PRKN: variants seen among roughly 807,000 people sequenced by gnomAD.
PRKN encodes E3 ubiquitin-protein ligase parkin.
Under a neutral mutation model 59.5 loss-of-function variants are expected in PRKN, and 56 were observed. That is an observed-to-expected ratio of 0.94 (90% CI 0.76 to 1.18). The LOEUF is 1.18. PRKN is among the 50% of genes most tolerant of loss of function. The probability of loss-of-function intolerance (pLI) is 0.00; values close to 1 mark genes in which losing one functional copy is unlikely to be tolerated. For synonymous variants in PRKN, 250 were observed against 222.1 expected (o/e 1.13, Z -1.12); for missense variants, 657 against 596.4 (o/e 1.10, Z -1.06).
Position 162,014,066 on chromosome 6 carries a change from G to A in PRKN, c.618+40025C>T, listed in dbSNP as rs1424089369. Among the ~76,000 whole-genome samples the A allele has an allele frequency of 3.3e-5, 5 of 152,068 alleles. 1 individual carries two copies. The highest frequency in any genetic ancestry group is 7.4e-5 in the Non-Finnish European group (5 of 68,018). ...CACTGTCCTAACCTGGGCCCTGGCT[G>A]GGCACTGCTACCCCCTCGTACCTCC... On this transcript the variant is annotated intron_variant, in intron 5 of 11. Coordinates refer to ENST00000366898, the MANE Select transcript of PRKN (RefSeq NM_004562.3).
chr6:161,385,708 C>T lies in PRKN; in HGVS notation c.1167+1086G>A, dbSNP rs17641124. On this transcript the variant is annotated intron_variant, in intron 10 of 11. Coordinates refer to ENST00000366898, the MANE Select transcript of PRKN (RefSeq NM_004562.3). The surrounding 1 kb of genome is among the most constrained non-coding windows in gnomAD (Gnocchi z 4.9). ...TCAGGTATACCCGCCTCCATTACAG[C>T]GGTCCTGAGGCAGGGGTCTCTGGGC... Among the ~76,000 whole-genome samples, 21,284 of 152,178 alleles carry T rather than the reference C, an allele frequency of 0.14. 1,874 individuals carry two copies. Among genetic ancestry groups the T allele is most frequent in the Admixed American group, 0.24 (3,614 of 15,272 alleles).
intron 9 of PRKN, among the ~76,000 whole-genome samples, chr6:161,489,244 C>A (rs1422328107): frequency 2.1e-5 from 3 of 139,996 alleles, no homozygotes; most frequent in East Asian, 4.3e-4. Context: ...AAAAAAAAAA[C>A]ATGGGCAATA....
At chr6:161,602,097 G>A (rs1259160308) in intron 7 of PRKN, among the ~76,000 whole-genome samples, 1 of 108,936 alleles carries the variant, frequency 9.2e-6, no homozygotes, top group Non-Finnish European at 1.8e-5. Flanking sequence ...AGTATATTTA[G>A]GGGAGATTAT....
chr6:162,568,807 G>C (rs1411507037), intron 1 of PRKN: 1 of 732,588 alleles, frequency 1.4e-6, no homozygotes, highest in Non-Finnish European at 2.5e-6. Context: ...GCAGAGCTTG[G>C]CAACATGCAG....
intron 7 of PRKN, among the ~76,000 whole-genome samples, chr6:161,782,328 T>G (rs1408815094): frequency 6.6e-6 from 1 of 152,186 alleles, no homozygotes; most frequent in Non-Finnish European, 1.5e-5. Context: ...GTGTATAATC[T>G]ACTTTCTACT....
At chr6:161,698,421 A>C (rs1050053764) in intron 7 of PRKN, among the ~76,000 whole-genome samples, 6 of 152,170 alleles carry the variant, frequency 3.9e-5, no homozygotes, top group African/African-American at 1.4e-4. Context: ...TTGTCTAAGA[A>C]ACCACAGTAG....
chr6:161,865,915 G>T (rs1470822663), intron 6 of PRKN, among the ~76,000 whole-genome samples: 1 of 152,108 alleles, frequency 6.6e-6, no homozygotes, highest in Admixed American at 6.5e-5. Flanking sequence ...CTAGTTTTTG[G>T]CCTATCTCAG....
intron 5 of PRKN, among the ~76,000 whole-genome samples, chr6:162,022,566 A>T: frequency 6.6e-6 from 1 of 152,006 alleles, no homozygotes; most frequent in East Asian, 1.9e-4. Flanking sequence ...TAGATTCTAG[A>T]TATTAGTCTT....
intron 1 of PRKN, among the ~76,000 whole-genome samples, chr6:162,593,021 G>A (rs899935209): frequency 2.0e-5 from 3 of 152,028 alleles, no homozygotes; most frequent in Non-Finnish European, 4.4e-5. Context: ...GACACTACGC[G>A]AAATGATGAC....
At chr6:162,136,880 A>G (rs890579545) in intron 4 of PRKN, among the ~76,000 whole-genome samples, 2 of 152,200 alleles carry the variant, frequency 1.3e-5, no homozygotes, top group Admixed American at 1.3e-4. Context: ...AACAACACAG[A>G]TAACTCCAAA....
At chr6:162,287,056 C>A (rs1405924669) in intron 2 of PRKN, among the ~76,000 whole-genome samples, 1 of 152,066 alleles carries the variant, frequency 6.6e-6, no homozygotes, top group Non-Finnish European at 1.5e-5. Context: ...TAAGATGAAC[C>A]CTCCAATTCT....
At chr6:161,768,157 G>A (rs1481292592) in intron 7 of PRKN, among the ~76,000 whole-genome samples, 1 of 151,976 alleles carries the variant, frequency 6.6e-6, no homozygotes, top group Admixed American at 6.6e-5. Context: ...TAAACACGAA[G>A]GGGGCTCCCA....
At chr6:161,564,130 G>A (rs370777106) in intron 8 of PRKN, among the ~76,000 whole-genome samples, 1 of 152,144 alleles carries the variant, frequency 6.6e-6, no homozygotes, top group East Asian at 1.9e-4. Context: ...GAGATCCCAA[G>A]AGTTTCACCA....
At chr6:162,289,518 G>A (rs1044400641) in intron 2 of PRKN, among the ~76,000 whole-genome samples, 1 of 151,832 alleles carries the variant, frequency 6.6e-6, no homozygotes. Flanking sequence ...CCAACATGAT[G>A]AAAACCCGTC....
intron 6 of PRKN, among the ~76,000 whole-genome samples, chr6:161,800,606 T>C (rs552937385): frequency 6.6e-6 from 1 of 152,304 alleles, no homozygotes; most frequent in Admixed American, 6.5e-5. Context: ...ATGGGATGCA[T>C]GGGCTCTGCT....
chr6:162,091,531 G>A (rs1954930), intron 4 of PRKN, among the ~76,000 whole-genome samples: 1 of 152,010 alleles, frequency 6.6e-6, no homozygotes, highest in Non-Finnish European at 1.5e-5. Context: ...TACTAGAAAT[G>A]CTTTGCAATT....
At chr6:162,310,758 T>TA (rs1335251764) in intron 2 of PRKN, among the ~76,000 whole-genome samples, 4 of 59,542 alleles carry the variant, frequency 6.7e-5, no homozygotes, top group African/African-American at 6.2e-4. Context: ...AATATATATA[T>TA]ATAAAAAAAA....
At position 161,973,295 on chromosome 6, in the gene PRKN, T is replaced by G. The variant is rs1780894566; in HGVS notation, c.734+7A>C. ...GGAGGGAAGTGACACTATTTTTAGA[T>G]CCTTACCTGACGTCTGTGCACGTAA... On this transcript the variant is annotated splice_region_variant and intron_variant, in intron 6 of 11. Transcript: ENST00000366898. 1 of 1,584,740 alleles carries G rather than the reference T, an allele frequency of 6.3e-7. No homozygotes were observed.
rs1778716324 is a variant in PRKN, at chr6:161,518,929, A to G, written c.1083+29925T>C. 6.6e-6 allele frequency among the ~76,000 whole-genome samples: 1 copy of G among 152,208 alleles called. No homozygotes were observed. The highest frequency in any genetic ancestry group is 2.4e-5 in the African/African-American group (1 of 41,452). ...AGCACAAGAGAATCTCCCTCTGTCC[A>G]CAGAAATGCCTGAGCATGGAACTCT... On this transcript the variant is annotated intron_variant, in intron 9 of 11. Coordinates refer to ENST00000366898, the MANE Select transcript of PRKN (RefSeq NM_004562.3). The surrounding 1 kb of genome is among the most constrained non-coding windows in gnomAD (Gnocchi z 5.0).
Sources: allele counts gnomAD v4.1 joint callset (sites outside exome capture counted in the v4.1 genomes callset), GRCh38; gene constraint gnomAD v4.1.1; non-coding constraint Gnocchi (gnomAD v3.1); transcripts MANE v1.5; gene names NCBI Gene and HGNC (gene_info 2026-07-23, HGNC 2026-07-21).